ZNF385B: variants seen among roughly 807,000 people sequenced by gnomAD.
ZNF385B encodes the protein zinc finger protein 385B, also known as zinc finger protein 533.
A neutral mutation model predicts 39.2 loss-of-function variants in ZNF385B; 23 were observed. The ratio of observed to expected loss-of-function variants is 0.59; its 90% CI spans 0.42 to 0.83. ZNF385B has a LOEUF of 0.83. Among genes scored for constraint, ZNF385B ranks in the 40% least tolerant of loss-of-function variants. The pLI is 0.00. For synonymous variants in ZNF385B, 205 were observed against 222.6 expected, an observed-to-expected ratio of 0.92 and a Z score of 0.70; for missense variants, 552 against 598.9, an observed-to-expected ratio of 0.92 and a Z score of 0.82.
intron 6 of ZNF385B, among the ~76,000 whole-genome samples, chr2:179,467,198 C>G (rs1461190522): frequency 6.6e-6 from 1 of 152,108 alleles, no homozygotes; most frequent in Non-Finnish European, 1.5e-5. Flanking sequence ...ATCCTTCAGT[C>G]TATCCATTTA....
intron 1 of ZNF385B, among the ~76,000 whole-genome samples, chr2:179,847,630 G>A (rs1708865455): frequency 6.6e-6 from 1 of 152,124 alleles, no homozygotes; most frequent in Non-Finnish European, 1.5e-5. Flanking sequence ...TTTTGGTTTT[G>A]TAGTAGCAGA....
At chr2:179,543,665 C>CT (rs796735240) in intron 4 of ZNF385B, among the ~76,000 whole-genome samples, 1,833 of 146,710 alleles carry the variant, frequency 0.012, 32 homozygotes, top group African/African-American at 0.038. Context: ...CCTTTTGTAA[C>CT]TTTTTTTTTT....
At chr2:179,763,219 T>A (rs2106491995) in intron 3 of ZNF385B, among the ~76,000 whole-genome samples, 1 of 152,336 alleles carries the variant, frequency 6.6e-6, no homozygotes. Flanking sequence ...AGTCTATTTT[T>A]ATTTTAGTTG....
At chr2:179,471,269 C>T (rs2052744355) in intron 6 of ZNF385B, among the ~76,000 whole-genome samples, 1 of 151,990 alleles carries the variant, frequency 6.6e-6, no homozygotes, top group African/African-American at 2.4e-5. Flanking sequence ...CCTACCTTTG[C>T]CCCATGATAC....
In ZNF385B at chr2:179,547,715, A is replaced by G. The variant is rs1013981340; in HGVS notation, c.299-2746T>C. ...GCTATTCTGGATCCTTTGTGCTTCC[A>G]TATACATTTTAGGATAGTCTGTTCT... On this transcript the variant is annotated intron_variant, in intron 3 of 9. Transcript: ENST00000410066. Among the ~76,000 whole-genome samples, 7 of 149,540 alleles carry G rather than the reference A, an allele frequency of 4.7e-5. No homozygotes were observed. In the East Asian group the frequency reaches 1.2e-3, roughly 25 times the overall value.
intron 3 of ZNF385B, among the ~76,000 whole-genome samples, chr2:179,695,834 C>A (rs1405901165): frequency 6.6e-6 from 1 of 152,124 alleles, no homozygotes; most frequent in South Asian, 2.1e-4. Flanking sequence ...AATGTGGAAA[C>A]AACCCAAATG....
chr2:179,590,820 C>A (rs1244432371), intron 3 of ZNF385B, among the ~76,000 whole-genome samples: 1 of 152,136 alleles, frequency 6.6e-6, no homozygotes, highest in Non-Finnish European at 1.5e-5. Flanking sequence ...ATGTCCCTTA[C>A]ACACCCCTTG....
At chr2:179,493,783 A>ATAGATGTATATG (rs1559338449) in intron 5 of ZNF385B, among the ~76,000 whole-genome samples, 1 of 103,060 alleles carries the variant, frequency 9.7e-6, no homozygotes, top group Non-Finnish European at 2.2e-5. Context: ...ATGTATATAC[A>ATAGATGTATATG]CATATGTATA....
intron 5 of ZNF385B, among the ~76,000 whole-genome samples, chr2:179,503,764 G>A (rs1335517891): frequency 1.3e-5 from 2 of 150,694 alleles, no homozygotes; most frequent in African/African-American, 2.4e-5. Context: ...TGCTGAGAAT[G>A]ATGGTTTCCA....
rs1420134536 is a variant in ZNF385B at position 179,710,856 on chromosome 2, G to A, written c.298+58647C>T. Among the ~76,000 whole-genome samples, 4 of 152,300 alleles carry A rather than the reference G, an allele frequency of 2.6e-5. No individual in the cohort carries two copies. In the East Asian group the frequency reaches 7.7e-4, roughly 29 times the overall value. On this transcript the variant is annotated intron_variant, in intron 3 of 9. Transcript: ENST00000410066. ...CTCTTCCATCACAGGCCTGCTCCAA[G>A]CACCTCACCTGAGTACCTGGAGCCA...
intron 1 of ZNF385B, among the ~76,000 whole-genome samples, chr2:179,847,046 A>T: frequency 6.6e-6 from 1 of 152,250 alleles, no homozygotes. Flanking sequence ...AAAGTTTAAC[A>T]AGCTACTTAG....
intron 3 of ZNF385B, among the ~76,000 whole-genome samples, chr2:179,754,175 C>T (rs1204922902): frequency 6.6e-6 from 1 of 152,152 alleles, no homozygotes; most frequent in Non-Finnish European, 1.5e-5. Flanking sequence ...GCCTTTTCTG[C>T]ATCTACTGGG....
chr2:179,780,062 C>T (rs1704573522), intron 1 of ZNF385B, among the ~76,000 whole-genome samples: 2 of 151,996 alleles, frequency 1.3e-5, no homozygotes, highest in African/African-American at 4.8e-5. Flanking sequence ...ATAAACCTTC[C>T]CAGGTGATTC....
chr2:179,495,504 C>T (rs952892365), intron 5 of ZNF385B, among the ~76,000 whole-genome samples: 5 of 152,156 alleles, frequency 3.3e-5, no homozygotes, highest in African/African-American at 7.2e-5. Context: ...CAGGGCCTTG[C>T]GTAAACATAG....
intron 3 of ZNF385B, among the ~76,000 whole-genome samples, chr2:179,691,192 C>A (rs1238482304): frequency 6.6e-6 from 1 of 152,158 alleles, no homozygotes; most frequent in East Asian, 1.9e-4. Context: ...AAGAATTAAT[C>A]TTGTAATTCT....
Position 179,774,483 on chromosome 2 carries a change from C to T in ZNF385B, c.-154-3811G>A, listed in dbSNP as rs181970870. On this transcript the variant is annotated intron_variant, in intron 1 of 9. Transcript: ENST00000410066. ...TCAAGCAATTCTCCTTCCTCAGCCT[C>T]CTGAGTAACTGGGACTACAGGGGCA... 1.4e-3 allele frequency among the ~76,000 whole-genome samples: 209 copies of T among 152,212 alleles called. 1 individual carries two copies. The highest frequency in any genetic ancestry group is 8.7e-3 in the East Asian group (45 of 5,154).
At chr2:179,530,661 A>G (rs1019536478) in intron 4 of ZNF385B, among the ~76,000 whole-genome samples, 4 of 152,232 alleles carry the variant, frequency 2.6e-5, no homozygotes, top group Non-Finnish European at 5.9e-5. Flanking sequence ...AGGCAGGAAG[A>G]AGTGCAAAAG....
At chr2:179,475,863 A>T (rs925627837) in intron 6 of ZNF385B, among the ~76,000 whole-genome samples, 7 of 150,842 alleles carry the variant, frequency 4.6e-5, no homozygotes, top group African/African-American at 1.7e-4. Flanking sequence ...CTAAAAATAC[A>T]AAAACTAGCT....
intron 4 of ZNF385B, among the ~76,000 whole-genome samples, chr2:179,544,490 G>C (rs2060107842): frequency 6.6e-6 from 1 of 151,286 alleles, no homozygotes; most frequent in Non-Finnish European, 1.5e-5. Context: ...AATGAGTCTT[G>C]GTATCTCTAA....
Sources: allele counts gnomAD v4.1 joint callset (sites outside exome capture counted in the v4.1 genomes callset), GRCh38; gene constraint gnomAD v4.1.1; transcripts MANE v1.5; gene names NCBI Gene and HGNC (gene_info 2026-07-23, HGNC 2026-07-21).